Variants in TMTC2 observed in about 807,000 individuals in gnomAD.
TMTC2 encodes the protein protein O-mannosyl-transferase TMTC2.
A neutral mutation model predicts 82.4 loss-of-function variants in TMTC2; 43 were observed. The observed-to-expected ratio is 0.52, with a 90% CI of 0.41 to 0.67. The LOEUF (loss-of-function observed/expected upper bound fraction) is 0.67, where lower values mean the gene tolerates loss of function less well. Ranked by LOEUF, TMTC2 falls within the 30% of genes least tolerant of loss-of-function variation. The pLI is 0.00. For synonymous variants in TMTC2, 408 were observed against 381.9 expected, an observed-to-expected ratio of 1.07 and a Z score of -0.80; for missense variants, 919 against 1,012.4, an observed-to-expected ratio of 0.91 and a Z score of 1.25.
At chr12:83,117,352 A>G (rs1884794964) in intron 11 of TMTC2, among the ~76,000 whole-genome samples, 1 of 152,252 alleles carries the variant, frequency 6.6e-6, no homozygotes, top group Admixed American at 6.5e-5. Flanking sequence ...CCTGAGGAAC[A>G]TAGATGCTAA....
intron 1 of TMTC2, among the ~76,000 whole-genome samples, chr12:82,735,688 C>T (rs908080980): frequency 2.8e-5 from 4 of 141,204 alleles, no homozygotes; most frequent in Admixed American, 7.0e-5. Context: ...TTATCTTGGT[C>T]GGGTGCGGTG....
At chr12:82,851,142 A>G (rs1047180127) in intron 1 of TMTC2, among the ~76,000 whole-genome samples, 1 of 151,804 alleles carries the variant, frequency 6.6e-6, no homozygotes, top group Non-Finnish European at 1.5e-5. Context: ...ATAATAGCTA[A>G]CATGTAACCA....
At chr12:82,690,685 T>C (rs1320537922) in intron 1 of TMTC2, among the ~76,000 whole-genome samples, 1 of 152,178 alleles carries the variant, frequency 6.6e-6, no homozygotes, top group African/African-American at 2.4e-5. Context: ...AAAGGGTATG[T>C]GGTTTCAGCT....
At chr12:82,816,369 G>A (rs1427820579) in intron 1 of TMTC2, among the ~76,000 whole-genome samples, 4 of 151,886 alleles carry the variant, frequency 2.6e-5, no homozygotes, top group African/African-American at 9.7e-5. Context: ...TGATACATAC[G>A]TACAATACCA....
At chr12:83,072,163 T>C (rs1487385783) in intron 11 of TMTC2, among the ~76,000 whole-genome samples, 2 of 152,184 alleles carry the variant, frequency 1.3e-5, no homozygotes, top group African/African-American at 4.8e-5. Context: ...ACTTTCCTCT[T>C]AGCGCTGCTT....
chr12:82,883,898 T>G (rs1872962140), intron 2 of TMTC2, among the ~76,000 whole-genome samples: 1 of 152,210 alleles, frequency 6.6e-6, no homozygotes, highest in Non-Finnish European at 1.5e-5. Context: ...TTTTTTGTTG[T>G]TGTTTCTCAG....
intron 8 of TMTC2, among the ~76,000 whole-genome samples, chr12:83,013,435 G>A (rs753900275): frequency 6.6e-6 from 1 of 151,926 alleles, no homozygotes; most frequent in Non-Finnish European, 1.5e-5. Context: ...AATCCACCTA[G>A]GCTAGCAATA....
intron 9 of TMTC2, among the ~76,000 whole-genome samples, chr12:83,041,145 A>G (rs1881880512): frequency 6.6e-6 from 1 of 152,192 alleles, no homozygotes; most frequent in Non-Finnish European, 1.5e-5. Flanking sequence ...TGCTAAGGCG[A>G]CGTATAGTTA....
intron 2 of TMTC2, among the ~76,000 whole-genome samples, chr12:82,882,987 C>T (rs1434157710): frequency 2.2e-5 from 3 of 134,038 alleles, no homozygotes; most frequent in African/African-American, 7.8e-5. Flanking sequence ...ACCTGGGAGG[C>T]GGAGGTTGCA....
chr12:82,742,184 C>T (rs939225182), intron 1 of TMTC2, among the ~76,000 whole-genome samples: 3 of 152,060 alleles, frequency 2.0e-5, no homozygotes, highest in Admixed American at 6.6e-5. Flanking sequence ...AATGTGACCT[C>T]GAGACCCTCC....
At chr12:82,834,201 C>G (rs1255309192) in intron 1 of TMTC2, among the ~76,000 whole-genome samples, 1 of 152,240 alleles carries the variant, frequency 6.6e-6, no homozygotes, top group East Asian at 1.9e-4. Context: ...ATTAGTAATA[C>G]AATTGTTACA....
At chr12:82,694,344 G>T (rs1303197386) in intron 1 of TMTC2, among the ~76,000 whole-genome samples, 1 of 152,100 alleles carries the variant, frequency 6.6e-6, no homozygotes, top group African/African-American at 2.4e-5. Context: ...TATGAACCCT[G>T]GATTTAGATT....
At chr12:82,834,917 G>A (rs931008463) in intron 1 of TMTC2, among the ~76,000 whole-genome samples, 5 of 150,480 alleles carry the variant, frequency 3.3e-5, no homozygotes, top group African/African-American at 9.9e-5. Flanking sequence ...TTGCCCTGTC[G>A]CCCAGGCTGG....
intron 1 of TMTC2, among the ~76,000 whole-genome samples, chr12:82,753,353 T>G (rs2136969134): frequency 6.7e-6 from 1 of 149,276 alleles, no homozygotes; most frequent in Non-Finnish European, 1.5e-5. Context: ...GAGGAGAAGT[T>G]TTCTGGTTTT....
chr12:83,115,478 T>C (rs2137552003), intron 11 of TMTC2, among the ~76,000 whole-genome samples: 1 of 152,328 alleles, frequency 6.6e-6, no homozygotes, highest in Non-Finnish European at 1.5e-5. Context: ...TTGTATTCTG[T>C]ATGTACTTTG....
chr12:82,734,425 A>G (rs1230078767), intron 1 of TMTC2, among the ~76,000 whole-genome samples: 2 of 152,130 alleles, frequency 1.3e-5, no homozygotes, highest in African/African-American at 4.8e-5. Context: ...CTCTGTTATC[A>G]GAGACCGTTC....
chr12:83,118,718 A>G (rs903827444), intron 11 of TMTC2, among the ~76,000 whole-genome samples: 3 of 151,822 alleles, frequency 2.0e-5, no homozygotes, highest in African/African-American at 4.8e-5. Flanking sequence ...CTCTTTCTCT[A>G]TCTAGTGTCA....
intron 7 of TMTC2, among the ~76,000 whole-genome samples, chr12:82,973,087 T>C (rs1022685266): frequency 1.3e-5 from 2 of 152,184 alleles, no homozygotes; most frequent in African/African-American, 4.8e-5. Flanking sequence ...ATTTGAACTT[T>C]CACATCTTTC....
intron 1 of TMTC2, among the ~76,000 whole-genome samples, chr12:82,749,539 C>A: frequency 6.6e-6 from 1 of 151,864 alleles, no homozygotes; most frequent in Admixed American, 6.6e-5. Flanking sequence ...GATTGTGAGA[C>A]ACAGCCTCAG....
Sources: allele counts gnomAD v4.1 joint callset (sites outside exome capture counted in the v4.1 genomes callset), GRCh38; gene constraint gnomAD v4.1.1; transcripts MANE v1.5; gene names NCBI Gene and HGNC (gene_info 2026-07-23, HGNC 2026-07-21).